The following TBC1D5 variants were observed in gnomAD, a reference collection of about 807,000 sequenced individuals.
TBC1D5 encodes the protein TBC1 domain family member 5, also known as TBC1 domain family, member 5.
In TBC1D5, 75 loss-of-function variants were observed where a neutral mutation model predicts 100.3. The observed-to-expected ratio is 0.75, with a 90% CI of 0.62 to 0.91. The LOEUF (loss-of-function observed/expected upper bound fraction) is 0.91. Ranked by LOEUF, TBC1D5 falls within the 40% of genes least tolerant of loss-of-function variation. The pLI, the probability that TBC1D5 is intolerant of heterozygous loss-of-function variation, is 0.00. For synonymous variants in TBC1D5, 323 were observed against 325.6 expected (o/e 0.99, Z 0.09); for missense variants, 910 against 942.4 (o/e 0.97, Z 0.45).
intron 3 of TBC1D5, among the ~76,000 whole-genome samples, chr3:17,442,619 A>G (rs755635716): frequency 6.6e-6 from 1 of 152,228 alleles, no homozygotes; most frequent in Non-Finnish European, 1.5e-5. Context: ...TCACCTGTAC[A>G]TGCTCAAAAT....
chr3:17,730,212 T>C (rs1348222039), intron 1 of TBC1D5, among the ~76,000 whole-genome samples: 1 of 152,172 alleles, frequency 6.6e-6, no homozygotes, highest in African/African-American at 2.4e-5. Flanking sequence ...GTTTCATTTT[T>C]TGTATTTTAA....
intron 18 of TBC1D5, among the ~76,000 whole-genome samples, chr3:17,207,069 G>A (rs951768631): frequency 5.3e-5 from 8 of 151,974 alleles, no homozygotes; most frequent in African/African-American, 1.9e-4. Flanking sequence ...CAAGTAGCTG[G>A]GACTACAGGT....
chr3:17,222,520 A>G (rs867608805), intron 17 of TBC1D5, among the ~76,000 whole-genome samples: 5 of 152,182 alleles, frequency 3.3e-5, no homozygotes, highest in South Asian at 2.1e-4. Context: ...TTGGCTGAGA[A>G]TAAGATACTA....
intron 13 of TBC1D5, among the ~76,000 whole-genome samples, chr3:17,315,373 C>T (rs2084562754): frequency 6.6e-6 from 1 of 152,146 alleles, no homozygotes; most frequent in Non-Finnish European, 1.5e-5. Context: ...AATACCAAAA[C>T]TGCCAGGCCC....
intron 2 of TBC1D5, among the ~76,000 whole-genome samples, chr3:17,558,287 G>A (rs1317019803): frequency 6.6e-6 from 1 of 151,968 alleles, no homozygotes; most frequent in Non-Finnish European, 1.5e-5. Context: ...AAATCTTTAT[G>A]GAAAACACAA....
intron 1 of TBC1D5, among the ~76,000 whole-genome samples, chr3:17,657,302 T>A (rs2066172522): frequency 6.7e-6 from 1 of 148,766 alleles, no homozygotes; most frequent in South Asian, 2.2e-4. Context: ...GCCAATCCAC[T>A]CTCCACCCTC....
intron 2 of TBC1D5, among the ~76,000 whole-genome samples, chr3:17,575,986 C>T (rs912955690): frequency 2.0e-5 from 3 of 151,956 alleles, no homozygotes; most frequent in African/African-American, 7.2e-5. Flanking sequence ...GTGCTTTATG[C>T]AAGAAATTTT....
intron 14 of TBC1D5, 61 bp downstream of exon 14, chr3:17,307,931 C>T (rs2083561561): frequency 1.3e-6 from 2 of 1,562,378 alleles, no homozygotes; most frequent in Admixed American, 2.2e-5. Flanking sequence ...ATTTAAAAGG[C>T]AAAACATTTT....
chr3:17,377,000 G>C (rs1423387945), intron 9 of TBC1D5, among the ~76,000 whole-genome samples: 1 of 152,084 alleles, frequency 6.6e-6, no homozygotes, highest in Non-Finnish European at 1.5e-5. Context: ...GGGCAACTAA[G>C]AACTGTAGAC....
intron 1 of TBC1D5, among the ~76,000 whole-genome samples, chr3:17,673,294 G>C (rs2068178502): frequency 6.8e-6 from 1 of 147,424 alleles, no homozygotes; most frequent in African/African-American, 2.5e-5. Context: ...CTTATTTTCT[G>C]TACTTTCTTT....
chr3:17,345,499 G>T (rs1435231525), intron 13 of TBC1D5, among the ~76,000 whole-genome samples: 2 of 152,090 alleles, frequency 1.3e-5, no homozygotes, highest in South Asian at 2.1e-4. Flanking sequence ...AACCATTGTG[G>T]AAGTCAGTGT....
chr3:17,613,465 C>T (rs1180275194), intron 2 of TBC1D5, among the ~76,000 whole-genome samples: 2 of 152,170 alleles, frequency 1.3e-5, no homozygotes, highest in Non-Finnish European at 2.9e-5. Context: ...CGCCACACTG[C>T]CTTCCACAAT....
intron 2 of TBC1D5, among the ~76,000 whole-genome samples, chr3:17,543,958 C>T (rs1445537836): frequency 6.6e-6 from 1 of 151,892 alleles, no homozygotes; most frequent in Non-Finnish European, 1.5e-5. Context: ...ACCTCCACCT[C>T]CCAGGTGCAA....
chr3:17,662,529 T>A (rs2066765660), intron 1 of TBC1D5, among the ~76,000 whole-genome samples: 2 of 152,350 alleles, frequency 1.3e-5, no homozygotes, highest in South Asian at 4.1e-4. Context: ...TTGATTTTTT[T>A]CTCTAGAGTA....
chr3:17,583,739 C>G (rs1159300339), intron 2 of TBC1D5, among the ~76,000 whole-genome samples: 1 of 152,008 alleles, frequency 6.6e-6, no homozygotes, highest in Admixed American at 6.6e-5. Context: ...AAAGTAGAAC[C>G]CTCATACACT....
intron 1 of TBC1D5, among the ~76,000 whole-genome samples, chr3:17,714,692 G>C (rs1041337097): frequency 1.3e-5 from 2 of 152,224 alleles, no homozygotes; most frequent in Non-Finnish European, 1.5e-5. Flanking sequence ...AAACAAGTCA[G>C]GCATGGTGGC....
intron 1 of TBC1D5, among the ~76,000 whole-genome samples, chr3:17,652,460 T>G (rs979958359): frequency 6.6e-6 from 1 of 152,180 alleles, no homozygotes; most frequent in Non-Finnish European, 1.5e-5. Flanking sequence ...CATGTTTCCT[T>G]AAACCGGTAA....
At chr3:17,303,416 T>G (rs1312818518) in intron 14 of TBC1D5, among the ~76,000 whole-genome samples, 1 of 152,238 alleles carries the variant, frequency 6.6e-6, no homozygotes, top group African/African-American at 2.4e-5. Flanking sequence ...AGCTGTTTTC[T>G]TGGTCACTCT....
intron 13 of TBC1D5, among the ~76,000 whole-genome samples, chr3:17,361,860 G>A (rs114725945): frequency 0.015 from 2,291 of 151,940 alleles, 25 homozygotes; most frequent in Middle Eastern, 0.034. Context: ...TAAACCCAAC[G>A]TAAGTAAAAG....
Sources: allele counts gnomAD v4.1 joint callset (sites outside exome capture counted in the v4.1 genomes callset), GRCh38; gene constraint gnomAD v4.1.1; transcripts MANE v1.5; gene names NCBI Gene and HGNC (gene_info 2026-07-23, HGNC 2026-07-21).